The following PDK3 variants were observed in gnomAD, a reference collection of about 807,000 sequenced individuals.
The protein encoded by PDK3 is pyruvate dehydrogenase kinase, isozyme 3.
A neutral mutation model predicts 32.0 loss-of-function variants in PDK3; 12 were observed. The observed-to-expected ratio is 0.37, with a 90% CI of 0.24 to 0.61. The LOEUF (loss-of-function observed/expected upper bound fraction) is 0.61, where lower values mean the gene tolerates loss of function less well. PDK3 is among the 20% of genes least tolerant of loss of function. The probability of loss-of-function intolerance (pLI) is 0.65; values close to 1 mark genes in which losing one functional copy is unlikely to be tolerated. For synonymous variants in PDK3, 122 were observed against 116.3 expected, an observed-to-expected ratio of 1.05 and a Z score of -0.31; for missense variants, 188 against 316.9, an observed-to-expected ratio of 0.59 and a Z score of 3.09.
At chrX:24,499,605 G>A (rs996806489) in intron 3 of PDK3, among the ~76,000 whole-genome samples, 10 of 111,812 alleles carry the variant, frequency 8.9e-5, no homozygotes, top group Admixed American at 8.6e-4. Context: ...CTGAACACCT[G>A]ACTTAATAGA....
downstream of PDK3, among the ~76,000 whole-genome samples, chrX:24,535,504 CAAAA>C (rs778785042): frequency 1.6e-4 from 9 of 55,507 alleles, no homozygotes; most frequent in Non-Finnish European, 2.2e-4. Flanking sequence ...GACTCCATCT[CAAAA>C]AAAAAAAAAA....
At chrX:24,490,512 A>G (rs2148186604) in intron 1 of PDK3, among the ~76,000 whole-genome samples, 1 of 111,557 alleles carries the variant, frequency 9.0e-6, no homozygotes, top group East Asian at 2.8e-4. Flanking sequence ...CCTGAACTCA[A>G]AAAACTCTGA....
chrX:24,484,516 G>C (rs1569219545), intron 1 of PDK3, among the ~76,000 whole-genome samples: 1 of 112,123 alleles, frequency 8.9e-6, no homozygotes, highest in Non-Finnish European at 1.9e-5. Flanking sequence ...ATACAGAGCA[G>C]CAGTTTTCTC....
rs763095558 is a variant in PDK3 at position 24,496,568 on chromosome X, C to CTTTTTTTTTTTTTTTTTTTTTTTTTTTT, written c.248+1708_248+1709insTTTTTTTTTTTTTTTTTTTTTTTTTTTT. On this transcript the variant is annotated intron_variant, in intron 2 of 10. Coordinates refer to ENST00000379162, the MANE Select transcript of PDK3 (RefSeq NM_005391.5). ...CTAATTGTCCTGATACTACCCCCAT[C>CTTTTTTTTTTTTTTTTTTTTTTTTTTTT]TTTTTTTTTTTTTTTTTTTTTTTGC... Among the ~76,000 whole-genome samples the CTTTTTTTTTTTTTTTTTTTTTTTTTTTT allele has an allele frequency of 6.1e-4, 24 of 39,326 alleles. 3 individuals are homozygous for CTTTTTTTTTTTTTTTTTTTTTTTTTTTT. Among genetic ancestry groups the CTTTTTTTTTTTTTTTTTTTTTTTTTTTT allele is most frequent in the Non-Finnish European group, 6.6e-4 (15 of 22,630 alleles). 34.1% of individuals were successfully genotyped at this position (39,326 alleles called of 115,157 possible). A position where few individuals can be genotyped will look rare whatever the true frequency, so the allele number is the denominator to read the frequency against.
chrX:24,476,684 A>G (rs142504225), intron 1 of PDK3, among the ~76,000 whole-genome samples: 522 of 112,044 alleles, frequency 4.7e-3, no homozygotes, highest in Non-Finnish European at 8.4e-3. Context: ...TTGACCCATC[A>G]TTATCACCTA....
chrX:24,534,972 T>C (rs1273509566), downstream of PDK3, among the ~76,000 whole-genome samples: 1 of 110,833 alleles, frequency 9.0e-6, no homozygotes, highest in Non-Finnish European at 1.9e-5. Flanking sequence ...AAGAAAAAGG[T>C]GGTAAGTTCT....
At chrX:24,499,271 T>A (rs954641235) in intron 3 of PDK3, among the ~76,000 whole-genome samples, 3 of 111,169 alleles carry the variant, frequency 2.7e-5, no homozygotes, top group East Asian at 2.8e-4. Flanking sequence ...AAAAAAAAAA[T>A]TTCAATAGGA....
At chrX:24,473,801 C>A (rs1476167751) in intron 1 of PDK3, among the ~76,000 whole-genome samples, 2 of 111,648 alleles carry the variant, frequency 1.8e-5, no homozygotes, top group East Asian at 5.6e-4. Context: ...ATAAACCTCT[C>A]TGGATTTTTG....
intron 1 of PDK3, among the ~76,000 whole-genome samples, chrX:24,476,239 G>C (rs963449600): frequency 3.6e-5 from 4 of 109,700 alleles, no homozygotes; most frequent in Non-Finnish European, 7.6e-5. Flanking sequence ...CTCCATATCT[G>C]TGGGTTCCAC....
intron 3 of PDK3, among the ~76,000 whole-genome samples, chrX:24,501,419 A>G (rs1377444028): frequency 8.9e-6 from 1 of 112,979 alleles, no homozygotes; most frequent in Non-Finnish European, 1.9e-5. Context: ...AACAGCTTTT[A>G]AATACATCTG....
downstream of PDK3, among the ~76,000 whole-genome samples, chrX:24,535,520 AAAGAAGAAG>A (rs1202108884): frequency 2.0e-5 from 2 of 99,981 alleles, no homozygotes; most frequent in Non-Finnish European, 4.1e-5. Flanking sequence ...AAAAAAAAAA[AAAGAAGAAG>A]AAGAAGAAGA....
chrX:24,473,631 T>C (rs181627245), intron 1 of PDK3, among the ~76,000 whole-genome samples: 2,270 of 108,887 alleles, frequency 0.021, 56 homozygotes, highest in South Asian at 0.21. Flanking sequence ...GAGACGGGGT[T>C]TTGCCCTATT....
chrX:24,503,651 C>T, intron 4 of PDK3, 140 bp downstream of exon 4: 5 of 422,538 alleles, frequency 1.2e-5, no homozygotes. Context: ...TAAGTGAATC[C>T]TAGCCATTAC....
downstream of PDK3, among the ~76,000 whole-genome samples, chrX:24,537,282 A>ATTT (rs1167543267): frequency 6.1e-5 from 4 of 65,681 alleles, no homozygotes; most frequent in East Asian, 4.4e-4. Context: ...ACGCCTGGCT[A>ATTT]TTTTTTTTTT....
At chrX:24,503,146 A>G (rs1170097741) in intron 3 of PDK3, among the ~76,000 whole-genome samples, 181 bp from the exon 4 acceptor site, 1 of 111,940 alleles carries the variant, frequency 8.9e-6, no homozygotes, top group Non-Finnish European at 1.9e-5. Context: ...AAAAAGTTTC[A>G]AGCAAAAACT....
At chrX:24,475,616 G>A (rs1170397910) in intron 1 of PDK3, among the ~76,000 whole-genome samples, 3 of 110,005 alleles carry the variant, frequency 2.7e-5, no homozygotes, top group Admixed American at 9.8e-5. Flanking sequence ...CTGGGATCGC[G>A]TCACTGCACT....
chrX:24,547,832 G>C (rs1331450977), exon 12 of PDK3: 1 of 112,861 alleles, frequency 8.9e-6, no homozygotes, highest in East Asian at 2.7e-4. Flanking sequence ...AGAAGTATCA[G>C]GAGAGAGAAT....
chrX:24,507,096 A>G (rs1922004136), intron 5 of PDK3, among the ~76,000 whole-genome samples: 1 of 111,213 alleles, frequency 9.0e-6, no homozygotes, highest in South Asian at 3.8e-4. Context: ...GGCGTGAGCT[A>G]CCACACCTGG....
intron 3 of PDK3, among the ~76,000 whole-genome samples, chrX:24,499,279 G>A (rs190496774): frequency 1.8e-5 from 2 of 110,895 alleles, no homozygotes; most frequent in East Asian, 5.6e-4. Flanking sequence ...AATTTCAATA[G>A]GATATTACAT....
Sources: allele counts gnomAD v4.1 joint callset (sites outside exome capture counted in the v4.1 genomes callset), GRCh38; gene constraint gnomAD v4.1.1; transcripts MANE v1.5; gene names NCBI Gene and HGNC (gene_info 2026-07-23, HGNC 2026-07-21).